Variants in FOXP4 observed in about 807,000 individuals in gnomAD.
The protein encoded by FOXP4 is forkhead box protein P4.
A neutral mutation model predicts 82.6 loss-of-function variants in FOXP4; 25 were observed. The ratio of observed to expected loss-of-function variants is 0.30; its 90% confidence interval spans 0.22 to 0.42. The LOEUF is 0.42. Ranked by LOEUF, FOXP4 falls within the 10% of genes least tolerant of loss-of-function variation. The pLI is 1.00. For synonymous variants in FOXP4, 415 were observed against 388.2 expected, an observed-to-expected ratio of 1.07 and a Z score of -0.81; for missense variants, 785 against 900.9, an observed-to-expected ratio of 0.87 and a Z score of 1.65.
chr6:41,580,657 C>CT (rs1765745653), intron 3 of FOXP4, among the ~76,000 whole-genome samples: 1 of 152,184 alleles, frequency 6.6e-6, no homozygotes, highest in African/African-American at 2.4e-5. Flanking sequence ...GATCCTTGTC[C>CT]TGAAGTAGGG....
intron 16 of FOXP4, among the ~76,000 whole-genome samples, chr6:41,598,549 C>G (rs544599178): frequency 4.6e-5 from 7 of 152,114 alleles, no homozygotes; most frequent in Non-Finnish European, 7.4e-5. Context: ...TTCCTCCGTT[C>G]GCTCATCTCC....
In FOXP4 at chr6:41,594,924, G is replaced by T. The variant is rs1249158517; in HGVS notation, c.1591G>T (p.Val531Phe). Residue 531 changes from valine (V) to phenylalanine (F), a missense_variant, in exon 14 of 17, where the codon GTC (valine) becomes TTC (phenylalanine). By Grantham distance (50) the Val-to-Phe change is conservative. Transcript: ENST00000307972. The stretch of plus-strand genomic sequence containing the variant: ...CAAGTGCTTCGTCCGCGTGGAGAAC[G>T]TCAAGGGTGCCGTGTGGACTGTGGA... ...LHKCFVRVEN[V>F]KGAVWTVDER... The T allele has an allele frequency of 6.2e-7, 1 of 1,614,082 alleles. No individual in the cohort carries two copies.
intron 3 of FOXP4, among the ~76,000 whole-genome samples, chr6:41,579,861 G>A (rs1423299362): frequency 6.6e-6 from 1 of 152,170 alleles, no homozygotes; most frequent in Non-Finnish European, 1.5e-5. Flanking sequence ...ACCATGAAGT[G>A]TAGACACTAA....
In FOXP4 at chr6:41,591,334, CCCTT is replaced by C. The variant is rs1766502640; in HGVS notation, c.1536+15_1536+18del. 6.3e-7 allele frequency: 1 copy of C among 1,580,268 alleles called. No homozygotes were observed. Among genetic ancestry groups the C allele is most frequent in the African/African-American group, 1.3e-5 (1 of 74,474 alleles). ...CTGCCACCTGGAAGGTGAAGCAGGC[CCCTT>C]CCACCTTCTGGGCCCCAGTCACCCT... On this transcript the variant is annotated intron_variant, in intron 13 of 16. Coordinates refer to ENST00000307972, the MANE Select transcript of FOXP4 (RefSeq NM_001012426.2). This position sits in a 1 kb window ranked among gnomAD's most constrained non-coding sequence, Gnocchi z 4.2.
At chr6:41,583,573 C>T (rs898114926) in intron 3 of FOXP4, among the ~76,000 whole-genome samples, 5 of 152,210 alleles carry the variant, frequency 3.3e-5, no homozygotes, top group Admixed American at 3.3e-4. Context: ...CTCAGGGGGG[C>T]TAACACTTAG....
chr6:41,599,117 C>T lies in FOXP4; in HGVS notation c.*181C>T, dbSNP rs558180137. On this transcript the variant is annotated 3_prime_UTR_variant, in exon 17 of 17. Coordinates refer to ENST00000307972, the MANE Select transcript of FOXP4 (RefSeq NM_001012426.2). ...AAAACACGTAGGGGCAGGGACGGTC[C>T]CCACCCCCAGGGACACAACCCCTGG... 3 of 797,286 alleles carry T rather than the reference C, an allele frequency of 3.8e-6. No individual in the cohort carries two copies. The highest frequency in any genetic ancestry group is 3.5e-5 in the African/African-American group (2 of 57,134). 49.4% of individuals were successfully genotyped at this position (797,286 alleles called of 1,614,324 possible).
intron 5 of FOXP4, among the ~76,000 whole-genome samples, chr6:41,585,810 G>A (rs1430169768): frequency 2.6e-5 from 4 of 151,922 alleles, no homozygotes; most frequent in South Asian, 2.1e-4. Flanking sequence ...GCCGGGCCAC[G>A]CTCATGTGCC....
intron 14 of FOXP4, 123 bp from the exon 15 acceptor site, chr6:41,597,053 G>A: frequency 9.9e-7 from 1 of 1,012,180 alleles, no homozygotes; most frequent in Non-Finnish European, 1.5e-6. Flanking sequence ...GATCCGCCCT[G>A]GCCTCCCGGA....
At chr6:41,589,666 G>A (rs1342032256) in intron 9 of FOXP4, 105 bp from the exon 10 acceptor site, 2 of 1,153,072 alleles carry the variant, frequency 1.7e-6, no homozygotes, top group Middle Eastern at 2.9e-4. Context: ...GCGAATGGGG[G>A]TGGGAATCGG....
intron 14 of FOXP4, among the ~76,000 whole-genome samples, chr6:41,596,063 A>G (rs1463485388): frequency 6.6e-6 from 1 of 151,872 alleles, no homozygotes; most frequent in Admixed American, 6.6e-5. Context: ...ACACCCAGCT[A>G]ATTATTTTAC....
At chr6:41,590,405 C>T in intron 12 of FOXP4, 58 bp downstream of exon 12, 1 of 1,549,844 alleles carries the variant, frequency 6.5e-7, no homozygotes, top group South Asian at 1.2e-5. Flanking sequence ...TCCCCCAGCC[C>T]CCGCCACACC....
chr6:41,587,940 C>T (rs1766254403), intron 8 of FOXP4, 43 bp downstream of exon 8: 3 of 1,094,788 alleles, frequency 2.7e-6, no homozygotes, highest in East Asian at 2.6e-5. Flanking sequence ...CCTTTCCCCA[C>T]AGGGCCTCTC....
intron 3 of FOXP4, among the ~76,000 whole-genome samples, chr6:41,582,999 C>T (rs1408153402): frequency 6.6e-6 from 1 of 152,178 alleles, no homozygotes; most frequent in Admixed American, 6.5e-5. Flanking sequence ...CTGGTCTCCT[C>T]ATTGGTAAAA....
At chr6:41,578,569 G>T (rs542026401) in intron 3 of FOXP4, among the ~76,000 whole-genome samples, 45 of 151,190 alleles carry the variant, frequency 3.0e-4, no homozygotes, top group Non-Finnish European at 5.3e-4. Flanking sequence ...CAGCTCTCTC[G>T]CAGTCTCTCC....
intron 9 of FOXP4, among the ~76,000 whole-genome samples, chr6:41,588,969 C>A (rs1048299469): frequency 6.6e-6 from 1 of 152,134 alleles, no homozygotes; most frequent in African/African-American, 2.4e-5. Flanking sequence ...AAGAGACTCA[C>A]GCTACATAGA....
rs1033905488 is a variant in FOXP4, at chr6:41,554,791, C to T, written c.-17+7924C>T. ...AGGAGAATTGCTTGAACCCGGGAGG[C>T]GGAGGTTGCAGTGAGCCGAGATTGT... On this transcript the variant is annotated intron_variant, in intron 1 of 16. Transcript: ENST00000307972. 7.9e-5 allele frequency among the ~76,000 whole-genome samples: 12 copies of T among 151,380 alleles called. 1 individual carries two copies. The South Asian group carries it at 1.7e-3, about 21-fold the overall frequency.
chr6:41,553,597 C>G (rs1764118682), intron 1 of FOXP4, among the ~76,000 whole-genome samples: 1 of 152,196 alleles, frequency 6.6e-6, no homozygotes, highest in Non-Finnish European at 1.5e-5. Flanking sequence ...CCTGTCTGAT[C>G]TCTCCTTAAG....
intron 2 of FOXP4, among the ~76,000 whole-genome samples, chr6:41,566,626 C>T (rs1404533654): frequency 6.6e-6 from 1 of 152,204 alleles, no homozygotes; most frequent in Non-Finnish European, 1.5e-5. Flanking sequence ...GGGTCTAGAT[C>T]TGGTTGGGTG....
At position 41,598,790 on chromosome 6, in the gene FOXP4, C is replaced by A; in HGVS notation, c.1897C>A (p.His633Asn). The A allele has an allele frequency of 6.4e-7, 1 of 1,557,988 alleles. No individual in the cohort carries two copies. Among genetic ancestry groups the A allele is most frequent in the Non-Finnish European group, 8.7e-7 (1 of 1,151,024 alleles). Residue 633 changes from histidine to asparagine, a missense_variant and splice_region_variant, in exon 17 of 17, where the codon CAC (histidine) becomes AAC (asparagine). By Grantham distance (68) the His-to-Asn change is moderately conservative. Transcript: ENST00000307972. ...PPRLSPPQYS[H>N]QVQVKEEPAE... ...GCCCATGCCATACTTTTGCCTCAGC[C>A]ACCAGGTGCAGGTGAAGGAGGAGCC... is the stretch of plus-strand genomic sequence containing the variant.
Sources: gnomAD v4.1 joint callset for allele counts (sites outside exome capture counted in the v4.1 genomes callset) on GRCh38, gnomAD v4.1.1 for gene constraint, Gnocchi (gnomAD v3.1) non-coding constraint, MANE v1.5 for transcripts, NCBI Gene and HGNC (gene_info 2026-07-23, HGNC 2026-07-21) for gene names.